CACNA2D3: variants seen among roughly 807,000 people sequenced by gnomAD.
CACNA2D3 encodes the protein calcium voltage-gated channel auxiliary subunit alpha2delta 3, also known as voltage-dependent calcium channel subunit alpha-2/delta-3.
A neutral mutation model predicts 160.6 loss-of-function variants in CACNA2D3; 60 were observed. The ratio of observed to expected loss-of-function variants is 0.37; its 90% CI spans 0.30 to 0.46. The LOEUF (loss-of-function observed/expected upper bound fraction) is 0.46. Among genes scored for constraint, CACNA2D3 ranks in the 20% least tolerant of loss-of-function variants. The pLI is 1.00. For missense variants in CACNA2D3, 1,205 were observed against 1,365.0 expected (o/e 0.88, Z 1.85); for synonymous variants, 558 against 492.9 (o/e 1.13, Z -1.75).
chr3:54,203,029 A>G (rs1185978223), intron 2 of CACNA2D3, among the ~76,000 whole-genome samples: 2 of 152,218 alleles, frequency 1.3e-5, no homozygotes, highest in East Asian at 3.8e-4. Flanking sequence ...TAGAGCTTCT[A>G]GTCAGCTTTG....
chr3:54,843,689 C>T (rs1698870503), intron 16 of CACNA2D3, among the ~76,000 whole-genome samples: 2 of 152,132 alleles, frequency 1.3e-5, no homozygotes, highest in South Asian at 2.1e-4. Context: ...TTGTTGGGGT[C>T]AATCTCTGAG....
intron 29 of CACNA2D3, among the ~76,000 whole-genome samples, chr3:54,981,544 G>C (rs561640850): frequency 2.6e-5 from 4 of 152,118 alleles, no homozygotes; most frequent in Non-Finnish European, 5.9e-5. Context: ...GAGAGAAAGG[G>C]GGGCTGGGGA....
chr3:55,004,947 A>G (rs997121337), intron 32 of CACNA2D3, 109 bp downstream of exon 32: 3 of 730,532 alleles, frequency 4.1e-6, no homozygotes, highest in East Asian at 2.7e-5. Context: ...TTGCAAAATC[A>G]TGAACATTTT....
rs756925562 is a variant in CACNA2D3, at chr3:55,074,218, ATGTTCTCTT to A, written c.*13_*21del. Reference sequence around the variant, plus strand: ...TCTTCTCAAGGTGACACTGACTGAGATGTTCTCTTACTGACTGAGATGTTCTCTTGGCAT... The same window carrying A: ...TCTTCTCAAGGTGACACTGACTGAGAACTGACTGAGATGTTCTCTTGGCAT... On this transcript the variant is annotated 3_prime_UTR_variant, in exon 38 of 38. Transcript: ENST00000474759. 5 of 1,015,968 alleles carry A rather than the reference ATGTTCTCTT, an allele frequency of 4.9e-6. No homozygotes were observed. The South Asian group carries it at 7.3e-5, about 15-fold the overall frequency. The allele number at this position is 1,015,968 out of a possible 1,614,324, so 62.9% of individuals were successfully genotyped here.
chr3:54,169,397 G>A (rs1700517528), intron 2 of CACNA2D3, among the ~76,000 whole-genome samples: 1 of 151,972 alleles, frequency 6.6e-6, no homozygotes, highest in Non-Finnish European at 1.5e-5. Flanking sequence ...AAGCTTCATG[G>A]TCCATGGAAA....
rs1475537252 is a variant in CACNA2D3, at chr3:54,184,293, A to G, written c.204+60699A>G. Among the ~76,000 whole-genome samples, 7 of 152,328 alleles carry G rather than the reference A, an allele frequency of 4.6e-5. No individual in the cohort carries two copies. The East Asian group carries it at 1.3e-3, about 29-fold the overall frequency. On this transcript the variant is annotated intron_variant, in intron 2 of 37. Coordinates refer to ENST00000474759, the MANE Select transcript of CACNA2D3 (RefSeq NM_018398.3). ...CTGGTCATTGCTGCAGCCCCAGACT[A>G]CAGGTAGGCAATGTTTATATAATTG...
intron 11 of CACNA2D3, among the ~76,000 whole-genome samples, chr3:54,663,341 C>G (rs1360682812): frequency 6.6e-6 from 1 of 152,172 alleles, no homozygotes; most frequent in Non-Finnish European, 1.5e-5. Flanking sequence ...CTCCTGTTGT[C>G]TTCAGCCCTT....
rs79223879 is a variant in CACNA2D3, at chr3:54,743,234, A to G, written c.1168-9365A>G. Among the ~76,000 whole-genome samples the G allele has an allele frequency of 2.6e-4, 40 of 152,360 alleles. No homozygotes were observed. The East Asian group carries it at 7.7e-3, about 29-fold the overall frequency. ...CACATCTGTGTTTCAGCTTGGAAGT[A>G]GAAATAAACATAAGTAAACTAATAA... On this transcript the variant is annotated intron_variant, in intron 11 of 37. Transcript: ENST00000474759.
At chr3:54,476,738 A>G (rs1040536208) in intron 4 of CACNA2D3, among the ~76,000 whole-genome samples, 2 of 152,128 alleles carry the variant, frequency 1.3e-5, no homozygotes, top group Non-Finnish European at 2.9e-5. Flanking sequence ...TCATTTGCCC[A>G]TTTTTAAACT....
chr3:54,603,146 A>T (rs1422546084), intron 9 of CACNA2D3, among the ~76,000 whole-genome samples: 1 of 152,200 alleles, frequency 6.6e-6, no homozygotes, highest in Non-Finnish European at 1.5e-5. Flanking sequence ...GTTGCACTGG[A>T]CACAGGCAGA....
At chr3:55,043,391 G>C (rs1704000715) in intron 35 of CACNA2D3, among the ~76,000 whole-genome samples, 1 of 129,982 alleles carries the variant, frequency 7.7e-6, no homozygotes, top group African/African-American at 2.9e-5. Context: ...TTGTGGTTTT[G>C]CACTTCCATG....
At chr3:54,904,003 G>A (rs1468139702) in intron 27 of CACNA2D3, among the ~76,000 whole-genome samples, 3 of 152,254 alleles carry the variant, frequency 2.0e-5, no homozygotes, top group Non-Finnish European at 4.4e-5. Context: ...CCCACAGAAT[G>A]GGTAATTTAT....
chr3:54,405,433 T>C (rs1699557985), intron 4 of CACNA2D3, among the ~76,000 whole-genome samples: 1 of 152,036 alleles, frequency 6.6e-6, no homozygotes, highest in South Asian at 2.1e-4. Context: ...TGTGGTCAAC[T>C]AGTTTCTGAG....
intron 13 of CACNA2D3, among the ~76,000 whole-genome samples, chr3:54,812,218 A>T (rs1176848652): frequency 6.6e-6 from 1 of 152,198 alleles, no homozygotes; most frequent in East Asian, 1.9e-4. Context: ...AAGCCATTTA[A>T]CTGCTTATAT....
chr3:54,626,596 G>T (rs558502879), intron 9 of CACNA2D3: 6 of 1,500,248 alleles, frequency 4.0e-6, no homozygotes, highest in East Asian at 2.4e-5. Context: ...CATAAAGCAC[G>T]GCGGGCCCGG....
intron 2 of CACNA2D3, among the ~76,000 whole-genome samples, chr3:54,282,059 T>C (rs1702894207): frequency 1.3e-5 from 2 of 152,242 alleles, no homozygotes; most frequent in Non-Finnish European, 2.9e-5. Context: ...AAGTGTATAC[T>C]GACATAGAAG....
At chr3:54,301,903 T>C (rs896956298) in intron 2 of CACNA2D3, among the ~76,000 whole-genome samples, 24 of 152,204 alleles carry the variant, frequency 1.6e-4, no homozygotes, top group Admixed American at 1.6e-3. Flanking sequence ...TTGTTTAAGA[T>C]ACCTTATGTA....
chr3:54,665,071 C>T (rs557484317), intron 11 of CACNA2D3, among the ~76,000 whole-genome samples: 4 of 152,290 alleles, frequency 2.6e-5, no homozygotes, highest in South Asian at 4.1e-4. Context: ...AATAATATAT[C>T]GGGCTGACCT....
Position 54,571,551 on chromosome 3 carries a change from T to G in CACNA2D3, c.888+1447T>G, listed in dbSNP as rs750206902. Among the ~76,000 whole-genome samples the G allele has an allele frequency of 2.6e-5, 4 of 152,128 alleles. No homozygotes were observed. In the East Asian group the frequency reaches 7.7e-4, roughly 29 times the overall value. On this transcript the variant is annotated intron_variant, in intron 8 of 37. Coordinates refer to ENST00000474759, the MANE Select transcript of CACNA2D3 (RefSeq NM_018398.3). ...ATCATGCCCCTTATGTTCCTCCCAC[T>G]CTCTTACCAAAGGCTCGTCAGAGTG...
Sources: allele counts gnomAD v4.1 joint callset (sites outside exome capture counted in the v4.1 genomes callset), GRCh38; gene constraint gnomAD v4.1.1; transcripts MANE v1.5; gene names NCBI Gene and HGNC (gene_info 2026-07-23, HGNC 2026-07-21).